CNOT1: variants seen among roughly 807,000 people sequenced by gnomAD.
CNOT1 encodes the protein CCR4-associated factor 1.
A neutral mutation model predicts 273.8 loss-of-function variants in CNOT1; 15 were observed. That is an observed-to-expected ratio of 0.05 (90% CI 0.04 to 0.08). The LOEUF is 0.08. Ranked by LOEUF, CNOT1 falls within the 10% of genes least tolerant of loss-of-function variation. The pLI, the probability that CNOT1 is intolerant of heterozygous loss-of-function variation, is 1.00. For missense variants in CNOT1, 1,644 were observed against 2,912.2 expected (o/e 0.56, Z 10.02); for synonymous variants, 1,022 against 1,005.5 (o/e 1.02, Z -0.31).
chr16:58,577,604 A>T (rs1286640316), intron 13 of CNOT1, among the ~76,000 whole-genome samples: 3 of 152,214 alleles, frequency 2.0e-5, no homozygotes, highest in Non-Finnish European at 4.4e-5. Flanking sequence ...AAAGGGGAAG[A>T]AAGTTTTTTT....
intron 39 of CNOT1, 84 bp from the exon 40 acceptor site, chr16:58,534,479 G>GAT: frequency 7.0e-7 from 1 of 1,418,890 alleles, no homozygotes; most frequent in East Asian, 2.4e-5. Flanking sequence ...AGGCTTAAGA[G>GAT]ATATTCTCAT....
Position 58,534,267 on chromosome 16 carries a change from G to A in CNOT1, c.5775C>T (p.Pro1925=), listed in dbSNP as rs1331657765. ...AEQQHNPAAN[P]TMIRAKCYHN... ...GATAGCACTTGGCTCGGATCATGGT[G>A]GGATTGGCAGCAGGATTGTGCTGCT... The change falls in exon 40 of 49, where the codon CCC becomes CCT. Residue 1925 remains proline (P), a synonymous_variant. Transcript: ENST00000317147. 1 of 1,614,032 alleles carries A rather than the reference G, an allele frequency of 6.2e-7. No individual in the cohort carries two copies. Among genetic ancestry groups the A allele is most frequent in the African/African-American group, 1.3e-5 (1 of 74,924 alleles).
intron 7 of CNOT1, among the ~76,000 whole-genome samples, chr16:58,585,819 A>C (rs1358565479): frequency 6.6e-6 from 1 of 152,210 alleles, no homozygotes; most frequent in South Asian, 2.1e-4. Context: ...CCATACAAAG[A>C]AAGCATCAAA....
chr16:58,613,302 G>A (rs1363790127), intron 1 of CNOT1, among the ~76,000 whole-genome samples: 1 of 150,584 alleles, frequency 6.6e-6, no homozygotes, highest in African/African-American at 2.4e-5. Context: ...AAAGTGCTGG[G>A]ATTACAGGCT....
In CNOT1 at chr16:58,539,797, C is replaced by T; in HGVS notation, c.4963G>A (p.Ala1655Thr). ...TGGAGCAATCCAAGAGCAGCTATGG[C>T]ATCCCGAGAGTTTCGAGATAAAACT... ...VVVLSRNSRD[A>T]IAALGLLQKA... The change falls in exon 35 of 49, where the codon GCC becomes ACC. Residue 1655 changes from alanine to threonine, a missense_variant. Transcript: ENST00000317147. 6.2e-7 allele frequency: 1 copy of T among 1,613,962 alleles called. No homozygotes were observed. The highest frequency in any genetic ancestry group is 2.2e-5 in the East Asian group (1 of 44,870).
intron 13 of CNOT1, 82 bp from the exon 14 acceptor site, chr16:58,576,664 T>C: frequency 1.3e-6 from 2 of 1,569,378 alleles, no homozygotes; most frequent in Non-Finnish European, 1.7e-6. Flanking sequence ...TTAATTTTGC[T>C]AGAACTTGTA....
At chr16:58,607,180 A>G (rs1458187550) in intron 1 of CNOT1, among the ~76,000 whole-genome samples, 1 of 150,848 alleles carries the variant, frequency 6.6e-6, no homozygotes, top group East Asian at 2.0e-4. Context: ...AAATCCCACT[A>G]AAAAAGTCCA....
At chr16:58,533,328 C>T (rs1481465774) in intron 40 of CNOT1, among the ~76,000 whole-genome samples, 3 of 151,702 alleles carry the variant, frequency 2.0e-5, no homozygotes, top group African/African-American at 7.3e-5. Context: ...ACTTGAGGGA[C>T]CCAATAGGGT....
chr16:58,524,832 C>T (rs113375200), intron 46 of CNOT1, among the ~76,000 whole-genome samples: 185 of 152,200 alleles, frequency 1.2e-3, no homozygotes, highest in African/African-American at 4.3e-3. Context: ...CTGCCAAACA[C>T]GCACCAATAA....
At chr16:58,602,751 T>TA (rs1215853393) in intron 1 of CNOT1, among the ~76,000 whole-genome samples, 2 of 151,302 alleles carry the variant, frequency 1.3e-5, no homozygotes, top group African/African-American at 2.4e-5. Context: ...AATAAAATAA[T>TA]AAAAAAAATT....
chr16:58,592,884 T>G (rs1464498234), intron 2 of CNOT1, among the ~76,000 whole-genome samples: 1 of 152,124 alleles, frequency 6.6e-6, no homozygotes, highest in Non-Finnish European at 1.5e-5. Flanking sequence ...ATATCTGTGA[T>G]TAACCATCTA....
In CNOT1 at chr16:58,599,523, A is replaced by G. The variant is rs757927778; in HGVS notation, c.-174-12T>C. 7.8e-6 allele frequency: 5 copies of G among 641,672 alleles called. No individual in the cohort carries two copies. The highest frequency in any genetic ancestry group is 2.5e-6 in the Non-Finnish European group (1 of 397,948). 39.7% of individuals were successfully genotyped at this position (641,672 alleles called of 1,614,324 possible). On this transcript the variant is annotated splice_polypyrimidine_tract_variant and intron_variant, in intron 1 of 48. Coordinates refer to ENST00000317147, the MANE Select transcript of CNOT1 (RefSeq NM_016284.5). Reference sequence around the variant, plus strand: ...CTGAAACATGGCACCTGTTTAAAAAAACACACACACACAAATCCAGATTTT... The same window carrying G: ...CTGAAACATGGCACCTGTTTAAAAAGACACACACACACAAATCCAGATTTT...
intron 39 of CNOT1, 50 bp from the exon 40 acceptor site, chr16:58,534,445 A>G: frequency 6.3e-7 from 1 of 1,589,500 alleles, no homozygotes; most frequent in Non-Finnish European, 8.6e-7. Context: ...ACACACAAAT[A>G]AACTTCATAT....
At chr16:58,521,439 T>C (rs1432145005) in intron 47 of CNOT1, 122 bp from the exon 48 acceptor site, 2 of 946,322 alleles carry the variant, frequency 2.1e-6, no homozygotes, top group East Asian at 2.5e-5. Flanking sequence ...TTTTCACCTT[T>C]AGTAAAGACA....
intron 43 of CNOT1, 143 bp downstream of exon 43, chr16:58,530,103 C>T: frequency 1.7e-6 from 1 of 586,320 alleles, no homozygotes; most frequent in Admixed American, 3.0e-5. Flanking sequence ...GCTAGTTATG[C>T]AAGTACACTT....
chr16:58,552,486 G>C (rs895373532), intron 22 of CNOT1, among the ~76,000 whole-genome samples: 2 of 151,982 alleles, frequency 1.3e-5, no homozygotes, highest in Non-Finnish European at 2.9e-5. Flanking sequence ...TGGGTGCTAG[G>C]GACTAGTTTT....
intron 12 of CNOT1, among the ~76,000 whole-genome samples, chr16:58,579,152 C>T (rs1421209607): frequency 6.6e-6 from 1 of 152,174 alleles, no homozygotes; most frequent in Non-Finnish European, 1.5e-5. Flanking sequence ...AGATCTAACT[C>T]TATCCTCAGC....
intron 6 of CNOT1, 51 bp downstream of exon 6, chr16:58,587,150 C>T: frequency 6.3e-7 from 1 of 1,589,366 alleles, no homozygotes; most frequent in South Asian, 1.1e-5. Flanking sequence ...GATTAAAAAC[C>T]CACGTATTTT....
Position 58,531,944 on chromosome 16 carries a change from A to C in CNOT1, c.6177+14T>G. 2 of 1,613,844 alleles carry C rather than the reference A, an allele frequency of 1.2e-6. No individual in the cohort carries two copies. The highest frequency in any genetic ancestry group is 1.7e-6 in the Non-Finnish European group (2 of 1,179,920). On this transcript the variant is annotated intron_variant, in intron 42 of 48. Coordinates refer to ENST00000317147, the MANE Select transcript of CNOT1 (RefSeq NM_016284.5). ...TTATAGTCTTCATCTACAGGAGATA[A>C]ACTGCAGCCACACCTTCTGCTGTGG...
Sources: allele counts gnomAD v4.1 joint callset (sites outside exome capture counted in the v4.1 genomes callset), GRCh38; gene constraint gnomAD v4.1.1; transcripts MANE v1.5; gene names NCBI Gene and HGNC (gene_info 2026-07-23, HGNC 2026-07-21).